The following PHKB variants were observed in gnomAD, a reference collection of about 807,000 sequenced individuals.
The protein encoded by PHKB is phosphorylase kinase regulatory subunit beta.
A neutral mutation model predicts 152.1 loss-of-function variants in PHKB; 122 were observed. That is an observed-to-expected ratio of 0.80 (90% CI 0.69 to 0.93). The LOEUF is 0.93. PHKB is among the 40% of genes least tolerant of loss of function. The probability of loss-of-function intolerance (pLI) is 0.00; values close to 1 mark genes in which losing one functional copy is unlikely to be tolerated. For missense variants in PHKB, 1,304 were observed against 1,328.4 expected, an observed-to-expected ratio of 0.98 and a Z score of 0.29; for synonymous variants, 436 against 464.9, an observed-to-expected ratio of 0.94 and a Z score of 0.80.
At chr16:47,593,110 GA>G (rs1288554239) in intron 10 of PHKB, among the ~76,000 whole-genome samples, 17 of 147,814 alleles carry the variant, frequency 1.2e-4, no homozygotes, top group Admixed American at 2.7e-4. Context: ...GAAAGAAAAA[GA>G]GGGGGGGGAG....
chr16:47,669,265 GT>G lies in PHKB; in HGVS notation c.2479del (p.Ser827LeufsTer4). 6.2e-7 allele frequency: 1 copy of G among 1,613,956 alleles called. No homozygotes were observed. ...HEEEVISNPL[S>X]PRVIQNIIYY... The stretch of plus-strand genomic sequence containing the variant: ...AAGAAGAAGTTATCTCTAATCCTTT[GT>G]CTCCAAGAGTGATTCAAAACATCAT... On this transcript the variant is annotated frameshift_variant, in exon 26 of 31. Transcript: ENST00000323584. LOFTEE classifies it high-confidence loss of function.
chr16:47,646,240 T>C (rs2151728864), intron 16 of PHKB, among the ~76,000 whole-genome samples: 1 of 55,656 alleles, frequency 1.8e-5, no homozygotes, highest in Non-Finnish European at 3.3e-5. Flanking sequence ...GGGACATGGA[T>C]GAAATTGGAA....
At chr16:47,540,235 T>C (rs1971029261) in intron 6 of PHKB, among the ~76,000 whole-genome samples, 1 of 151,718 alleles carries the variant, frequency 6.6e-6, no homozygotes, top group African/African-American at 2.4e-5. Context: ...TTTATTAGGG[T>C]GTGGAAAAAC....
intron 7 of PHKB, among the ~76,000 whole-genome samples, chr16:47,554,911 G>A (rs917028675): frequency 2.6e-5 from 4 of 152,104 alleles, no homozygotes; most frequent in Non-Finnish European, 5.9e-5. Flanking sequence ...GAAATCACCC[G>A]CCTTCTGCAT....
chr16:47,501,517 G>T (rs1405960312), intron 3 of PHKB, among the ~76,000 whole-genome samples: 1 of 152,084 alleles, frequency 6.6e-6, no homozygotes, highest in Non-Finnish European at 1.5e-5. Flanking sequence ...TATAATAATG[G>T]TATTATGGTT....
chr16:47,687,603 A>G (rs934486799), intron 26 of PHKB, among the ~76,000 whole-genome samples: 4 of 152,222 alleles, frequency 2.6e-5, no homozygotes, highest in Admixed American at 2.6e-4. Context: ...CTTACCAATG[A>G]GCAGCTATTA....
At chr16:47,607,685 G>T (rs961590227) in intron 13 of PHKB, among the ~76,000 whole-genome samples, 2 of 151,840 alleles carry the variant, frequency 1.3e-5, no homozygotes, top group Non-Finnish European at 2.9e-5. Flanking sequence ...ATTTCTCTTG[G>T]GTGTATACCT....
intron 28 of PHKB, among the ~76,000 whole-genome samples, chr16:47,695,236 A>G (rs949723715): frequency 2.0e-5 from 3 of 152,164 alleles, no homozygotes; most frequent in Non-Finnish European, 4.4e-5. Context: ...TCTCTTCTGT[A>G]GTTGCACAGT....
At chr16:47,603,071 C>A (rs1461036626) in intron 13 of PHKB, among the ~76,000 whole-genome samples, 1 of 152,126 alleles carries the variant, frequency 6.6e-6, no homozygotes, top group East Asian at 1.9e-4. Context: ...AATATAAAAG[C>A]TACTGAGTAA....
intron 7 of PHKB, among the ~76,000 whole-genome samples, chr16:47,579,704 A>G (rs1971809983): frequency 6.6e-6 from 1 of 152,166 alleles, no homozygotes; most frequent in African/African-American, 2.4e-5. Context: ...AAAGAGTAGG[A>G]CACTAAGGGA....
intron 14 of PHKB, among the ~76,000 whole-genome samples, chr16:47,636,720 G>C (rs1972927502): frequency 6.6e-6 from 1 of 152,200 alleles, no homozygotes; most frequent in Non-Finnish European, 1.5e-5. Flanking sequence ...GTGGGGCTAA[G>C]GGCAGCTTGT....
rs766907354 is a variant in PHKB at position 47,596,359 on chromosome 16, T to A, written c.1205-14T>A. 1 of 1,564,262 alleles carries A rather than the reference T, an allele frequency of 6.4e-7. No homozygotes were observed. Among genetic ancestry groups the A allele is most frequent in the Non-Finnish European group, 8.8e-7 (1 of 1,135,190 alleles). The stretch of plus-strand genomic sequence containing the variant: ...ATTTGTTATATTTTAAATACTTATT[T>A]TTAAACTCCATAGGATATCCTGTTG... On this transcript the variant is annotated splice_polypyrimidine_tract_variant and intron_variant, in intron 12 of 30. Coordinates refer to ENST00000323584, the MANE Select transcript of PHKB (RefSeq NM_000293.3).
At chr16:47,577,490 T>TA (rs1971769705) in intron 7 of PHKB, among the ~76,000 whole-genome samples, 1 of 152,146 alleles carries the variant, frequency 6.6e-6, no homozygotes, top group Non-Finnish European at 1.5e-5. Flanking sequence ...TTCCTCTTTT[T>TA]AAAAAATTAC....
In PHKB at chr16:47,669,361, C is replaced by A; in HGVS notation, c.2574C>A (p.Gly858=). 1 of 1,614,162 alleles carries A rather than the reference C, an allele frequency of 6.2e-7. No individual in the cohort carries two copies. The highest frequency in any genetic ancestry group is 1.3e-5 in the African/African-American group (1 of 75,052). ...VIQQELVIHI[G]WIISNNPELF... is the part of the protein sequence containing the mutation. ...AGCAAGAACTGGTCATCCATATTGGCTGGATCATCTCCAATAACCCTGAGT... is the reference window on the plus strand; with the variant it reads ...AGCAAGAACTGGTCATCCATATTGGATGGATCATCTCCAATAACCCTGAGT... The change falls in exon 26 of 31, where the codon GGC becomes GGA. Residue 858 remains glycine, a synonymous_variant. Transcript: ENST00000323584.
chr16:47,689,163 A>G lies in PHKB; in HGVS notation c.2753A>G (p.Gln918Arg). The change falls in exon 27 of 31, where the codon CAA becomes CGA. Residue 918 changes from glutamine (Q) to arginine (R), a missense_variant. Transcript: ENST00000323584. The part of the protein sequence containing the change: ...KQLLLDILQP[Q>R]QNGRCWLNRR... ...CTTCTGCTGGATATTCTGCAGCCTC[A>G]ACAGAATGGAAGGTAATAAGGGCCC... 6.2e-7 allele frequency: 1 copy of G among 1,613,918 alleles called. No homozygotes were observed. The highest frequency in any genetic ancestry group is 8.5e-7 in the Non-Finnish European group (1 of 1,179,852).
intron 4 of PHKB, among the ~76,000 whole-genome samples, chr16:47,507,640 G>A (rs1407247209): frequency 1.3e-5 from 2 of 152,184 alleles, no homozygotes; most frequent in African/African-American, 4.8e-5. Context: ...TTACAGGCAT[G>A]AGCCACCATG....
At chr16:47,522,925 G>A (rs750229376) in intron 6 of PHKB, among the ~76,000 whole-genome samples, 2 of 146,700 alleles carry the variant, frequency 1.4e-5, no homozygotes, top group African/African-American at 5.0e-5. Context: ...GTACATTATT[G>A]AACATGGTTA....
rs775234540 is a variant in PHKB at position 47,664,965 on chromosome 16, A to G, written c.2417A>G (p.His806Arg). ...IAPHITTFLV[H>R]GKQVTLGAFG... ...CCACACATTACTACTTTTCTGGTAC[A>G]TGGGAAACAGGTAACATGCACAGAA... Residue 806 changes from histidine (H) to arginine (R), a missense_variant, in exon 25 of 31, where the codon CAT (histidine) becomes CGT (arginine). By Grantham distance (29) the His-to-Arg change is conservative (BLOSUM62 0). Transcript: ENST00000323584. The G allele has an allele frequency of 6.8e-6, 11 of 1,607,946 alleles. No individual in the cohort carries two copies. Among genetic ancestry groups the G allele is most frequent in the Non-Finnish European group, 9.4e-6 (11 of 1,174,546 alleles).
Position 47,641,712 on chromosome 16 carries a change from A to G in PHKB, c.1608+20A>G. 7.9e-7 allele frequency: 1 copy of G among 1,269,468 alleles called. No individual in the cohort carries two copies. The highest frequency in any genetic ancestry group is 1.5e-5 in the African/African-American group (1 of 68,192). 78.6% of individuals were successfully genotyped at this position (1,269,468 alleles called of 1,614,324 possible). ...GTGAAAGTAAGTGATTCTGCCTTTTACTTTCCTTACTTTGTAGAGGTACTA... is the reference window on the plus strand; with the variant it reads ...GTGAAAGTAAGTGATTCTGCCTTTTGCTTTCCTTACTTTGTAGAGGTACTA... On this transcript the variant is annotated intron_variant, in intron 16 of 30. Transcript: ENST00000323584.
Sources: allele counts gnomAD v4.1 joint callset (sites outside exome capture counted in the v4.1 genomes callset), GRCh38; gene constraint gnomAD v4.1.1; transcripts MANE v1.5; gene names NCBI Gene and HGNC (gene_info 2026-07-23, HGNC 2026-07-21).